MYO10: variants seen among roughly 807,000 people sequenced by gnomAD.
MYO10 encodes unconventional myosin-X.
MYO10 carries 133 observed loss-of-function variants against 257.3 expected under a neutral mutation model. That is an observed-to-expected ratio of 0.52 (90% CI 0.45 to 0.60). The LOEUF (loss-of-function observed/expected upper bound fraction) is 0.60. MYO10 is among the 20% of genes least tolerant of loss of function. MYO10 has a pLI of 0.00. For missense variants in MYO10, 2,399 were observed against 2,635.7 expected, an observed-to-expected ratio of 0.91 and a Z score of 1.97; for synonymous variants, 1,104 against 1,028.6, an observed-to-expected ratio of 1.07 and a Z score of -1.40.
intron 1 of MYO10, among the ~76,000 whole-genome samples, chr5:16,892,934 A>G (rs949707379): frequency 1.3e-5 from 2 of 152,050 alleles, no homozygotes. Flanking sequence ...GGTGGCTCAC[A>G]CCTGTAATCC....
At chr5:16,868,604 C>CA (rs1296546044) in intron 2 of MYO10, among the ~76,000 whole-genome samples, 393 of 130,264 alleles carry the variant, frequency 3.0e-3, no homozygotes, top group Middle Eastern at 0.016. Context: ...GACTCCGTCT[C>CA]AAAAAAAAAA....
At chr5:16,702,685 G>A (rs1448968034) in intron 23 of MYO10, 97 bp from the exon 24 acceptor site, 69 of 1,195,362 alleles carry the variant, frequency 5.8e-5, no homozygotes, top group East Asian at 2.5e-4. Flanking sequence ...GCCAAAGACA[G>A]AAAGCATGAA....
chr5:16,855,476 G>T (rs969495702), intron 2 of MYO10, among the ~76,000 whole-genome samples: 1 of 152,202 alleles, frequency 6.6e-6, no homozygotes, highest in South Asian at 2.1e-4. Flanking sequence ...ACTATCTTCA[G>T]ATGTTAATTA....
In MYO10 at chr5:16,666,266, G is replaced by T; in HGVS notation, c.*426C>A. The T allele has an allele frequency of 6.3e-6, 1 of 158,434 alleles. No homozygotes were observed. Among genetic ancestry groups the T allele is most frequent in the African/African-American group, 2.4e-5 (1 of 41,808 alleles). 9.8% of individuals were successfully genotyped at this position (158,434 alleles called of 1,614,324 possible). On this transcript the variant is annotated 3_prime_UTR_variant, in exon 41 of 41. Coordinates refer to ENST00000513610, the MANE Select transcript of MYO10 (RefSeq NM_012334.3). Reference sequence around the variant, plus strand: ...CCCTCAGATTCGGGGAAATCAGGTTGGGAGGTTAGTGCATCATTGACAGAG... The same window carrying T: ...CCCTCAGATTCGGGGAAATCAGGTTTGGAGGTTAGTGCATCATTGACAGAG...
At chr5:16,848,156 T>TTTTTTTTTTTTTTTTC (rs1743694743) in intron 2 of MYO10, among the ~76,000 whole-genome samples, 4 of 105,022 alleles carry the variant, frequency 3.8e-5, no homozygotes, top group African/African-American at 1.7e-4. Context: ...TACACATTTC[T>TTTTTTTTTTTTTTTTC]TTTTTTTTTT....
chr5:16,888,675 G>A (rs765604235), intron 1 of MYO10, among the ~76,000 whole-genome samples: 29 of 151,664 alleles, frequency 1.9e-4, no homozygotes, highest in Non-Finnish European at 3.2e-4. Flanking sequence ...CCAGATGTTC[G>A]AGGATACAGT....
At chr5:16,743,782 A>G (rs1035719174) in intron 19 of MYO10, among the ~76,000 whole-genome samples, 1 of 152,244 alleles carries the variant, frequency 6.6e-6, no homozygotes, top group Admixed American at 6.5e-5. Context: ...ATTTTGACAC[A>G]TGACAGTACT....
rs80206722 is a variant in MYO10 at position 16,887,037 on chromosome 5, T to C, written c.22-9330A>G. ...CACACCTAAAAAAAACACAGTAGGG[T>C]TGTAAACTGAGGCCTGCCTGTGCTC... On this transcript the variant is annotated intron_variant, in intron 1 of 40. Coordinates refer to ENST00000513610, the MANE Select transcript of MYO10 (RefSeq NM_012334.3). 1.8e-3 allele frequency among the ~76,000 whole-genome samples: 278 copies of C among 151,742 alleles called. 1 individual carries two copies. Among genetic ancestry groups the C allele is most frequent in the Middle Eastern group, 3.4e-3 (1 of 294 alleles).
In MYO10 at chr5:16,880,145, G is replaced by A. The variant is rs115394026; in HGVS notation, c.22-2438C>T. On this transcript the variant is annotated intron_variant, in intron 1 of 40. Transcript: ENST00000513610. ...CACTGAATTGAGATCGTGCCACTAC[G>A]CTCCAGCCTGGGTGACAGAGTAAAC... Among the ~76,000 whole-genome samples the A allele has an allele frequency of 3.7e-3, 556 of 152,052 alleles. 1 individual carries two copies. Among genetic ancestry groups the A allele is most frequent in the Middle Eastern group, 0.01 (3 of 294 alleles).
chr5:16,824,969 A>G (rs899121308), intron 2 of MYO10, among the ~76,000 whole-genome samples: 1 of 152,226 alleles, frequency 6.6e-6, no homozygotes, highest in Non-Finnish European at 1.5e-5. Flanking sequence ...ATATTATGTC[A>G]TATTATATTC....
chr5:16,771,558 T>C (rs1209043579), intron 9 of MYO10, among the ~76,000 whole-genome samples: 1 of 131,938 alleles, frequency 7.6e-6, no homozygotes, highest in Non-Finnish European at 1.6e-5. Flanking sequence ...TTATTATTAT[T>C]ATTATTATTA....
chr5:16,745,745 G>A (rs550684628), intron 19 of MYO10, among the ~76,000 whole-genome samples: 1 of 152,278 alleles, frequency 6.6e-6, no homozygotes, highest in African/African-American at 2.4e-5. Context: ...ACCTTTAAGT[G>A]TTAGGAAAGA....
intron 1 of MYO10, among the ~76,000 whole-genome samples, chr5:16,881,062 T>C (rs1293808119): frequency 6.6e-6 from 1 of 152,136 alleles, no homozygotes; most frequent in Non-Finnish European, 1.5e-5. Flanking sequence ...ACTCATTAGG[T>C]TAAAATCAGG....
At position 16,701,917 on chromosome 5, in the gene MYO10, G is replaced by T; in HGVS notation, c.2557-79C>A. On this transcript the variant is annotated intron_variant, in intron 24 of 40. Coordinates refer to ENST00000513610, the MANE Select transcript of MYO10 (RefSeq NM_012334.3). The surrounding 1 kb of genome is among the most constrained non-coding windows in gnomAD (Gnocchi z 8.1). ...ATAGCTCCCGCTTTGCAACCAGGAT[G>T]AAATATGGTCATTATGAGTTGGACT... 2 of 1,468,734 alleles carry T rather than the reference G, an allele frequency of 1.4e-6. No individual in the cohort carries two copies. The highest frequency in any genetic ancestry group is 1.8e-6 in the Non-Finnish European group (2 of 1,099,356). 91.0% of individuals were successfully genotyped at this position (1,468,734 alleles called of 1,614,324 possible). A position where few individuals can be genotyped will look rare whatever the true frequency, so the allele number is the denominator to read the frequency against.
At chr5:16,923,338 G>C (rs1362607751) in intron 1 of MYO10, among the ~76,000 whole-genome samples, 1 of 149,402 alleles carries the variant, frequency 6.7e-6, no homozygotes, top group Non-Finnish European at 1.5e-5. Flanking sequence ...CCCAGGTGGA[G>C]TGCAGTGGCA....
chr5:16,778,912 A>C (rs9791093), intron 9 of MYO10, among the ~76,000 whole-genome samples: 1 of 151,628 alleles, frequency 6.6e-6, no homozygotes, highest in African/African-American at 2.4e-5. Context: ...GGATGGTCTC[A>C]ATCTCCTGAC....
chr5:16,774,882 C>T (rs901337039), intron 9 of MYO10, among the ~76,000 whole-genome samples: 14 of 152,136 alleles, frequency 9.2e-5, no homozygotes, highest in African/African-American at 3.4e-4. Context: ...TAAAATCTGA[C>T]TCATGACAAA....
chr5:16,701,416 G>C lies in MYO10; in HGVS notation c.2979C>G (p.Val993=). 6.2e-7 allele frequency: 1 copy of C among 1,613,860 alleles called. No individual in the cohort carries two copies. The highest frequency in any genetic ancestry group is 1.1e-5 in the South Asian group (1 of 91,064). The part of the protein sequence containing the change: ...NFSQPYPEEE[V]DEGFEADDDA... ...CGTCGTCGGCTTCGAAGCCCTCATC[G>C]ACCTCCTCCTCTGGGTAGGGCTGGC... Residue 993 remains valine (V), a synonymous_variant, in exon 25 of 41, where the codon GTC becomes GTG. Transcript: ENST00000513610. The surrounding 1 kb of genome is among the most constrained non-coding windows in gnomAD (Gnocchi z 8.1).
Position 16,763,476 on chromosome 5 carries a change from A to T in MYO10, c.1494+5T>A, listed in dbSNP as rs372364634. On this transcript the variant is annotated splice_donor_5th_base_variant and intron_variant, in intron 14 of 40. Coordinates refer to ENST00000513610, the MANE Select transcript of MYO10 (RefSeq NM_012334.3). ...GACTGTAACCATTCTTCAAAAATAC[A>T]TTACCTTCTCAATCAAGTCCAGGCA... 6.2e-7 allele frequency: 1 copy of T among 1,606,318 alleles called. No homozygotes were observed. The highest frequency in any genetic ancestry group is 1.7e-5 in the Admixed American group (1 of 60,000).
Sources: gnomAD v4.1 joint callset for allele counts (sites outside exome capture counted in the v4.1 genomes callset) on GRCh38, gnomAD v4.1.1 for gene constraint, Gnocchi (gnomAD v3.1) non-coding constraint, MANE v1.5 for transcripts, NCBI Gene and HGNC (gene_info 2026-07-23, HGNC 2026-07-21) for gene names.